The following FEZ1 variants were observed in gnomAD, a reference collection of about 807,000 sequenced individuals.
FEZ1 encodes fasciculation and elongation protein zeta 1, also known as fasciculation and elongation protein zeta-1.
FEZ1 carries 20 observed loss-of-function variants against 49.3 expected under a neutral mutation model. That is an observed-to-expected ratio of 0.41 (90% CI 0.29 to 0.59). FEZ1 has a LOEUF of 0.59. FEZ1 is among the 20% of genes least tolerant of loss of function. The pLI, the probability that FEZ1 is intolerant of heterozygous loss-of-function variation, is 0.36. For missense variants in FEZ1, 413 were observed against 476.0 expected, an observed-to-expected ratio of 0.87 and a Z score of 1.23; for synonymous variants, 170 against 180.9, an observed-to-expected ratio of 0.94 and a Z score of 0.48.
At chr11:125,484,259 A>G (rs1056414953) in intron 2 of FEZ1, among the ~76,000 whole-genome samples, 6 of 152,218 alleles carry the variant, frequency 3.9e-5, no homozygotes, top group African/African-American at 1.4e-4. Flanking sequence ...CTTCACAACA[A>G]TTATACAAGG....
intron 6 of FEZ1, 180 bp downstream of exon 6, chr11:125,455,655 G>T (rs534233949): frequency 2.0e-5 from 14 of 694,800 alleles, no homozygotes; most frequent in Admixed American, 1.9e-4. Context: ...TGAGCCCTTT[G>T]GGGGAGTGGA....
rs796507357 is a variant in FEZ1 at position 125,449,441 on chromosome 11, A to AAAAAAAAAAAAAAAAAAAAAAAAAAG, written c.1097-875_1097-874insCTTTTTTTTTTTTTTTTTTTTTTTTT. On this transcript the variant is annotated intron_variant, in intron 8 of 9. Transcript: ENST00000278919. ...ATAAAAAAAAAAAAAAAAAAAAAAA[A>AAAAAAAAAAAAAAAAAAAAAAAAAAG]AAGAAGAAGAGGAAGAAAAGAAAAA... Among the ~76,000 whole-genome samples the AAAAAAAAAAAAAAAAAAAAAAAAAAG allele has an allele frequency of 2.7e-4, 35 of 128,262 alleles. 3 individuals are homozygous for AAAAAAAAAAAAAAAAAAAAAAAAAAG. Among genetic ancestry groups the AAAAAAAAAAAAAAAAAAAAAAAAAAG allele is most frequent in the Non-Finnish European group, 3.4e-4 (20 of 59,462 alleles). The allele number at this position is 128,262 out of a possible 152,430, so 84.1% of individuals were successfully genotyped here. A position where few individuals can be genotyped will look rare whatever the true frequency, so the allele number is the denominator to read the frequency against.
At position 125,465,758 on chromosome 11, in the gene FEZ1, G is replaced by A. The variant is rs534164648; in HGVS notation, c.412-2188C>T. Among the ~76,000 whole-genome samples the A allele has an allele frequency of 2.4e-3, 367 of 152,258 alleles. 1 individual carries two copies. Among genetic ancestry groups the A allele is most frequent in the Middle Eastern group, 0.024 (7 of 294 alleles). The stretch of plus-strand genomic sequence containing the variant: ...GCTTCCCCACCTCCATCGTGCCCCA[G>A]CCTCTTCACCTCCCTCTCCAGCGTT... On this transcript the variant is annotated intron_variant, in intron 3 of 9. Coordinates refer to ENST00000278919, the MANE Select transcript of FEZ1 (RefSeq NM_005103.5).
intron 2 of FEZ1, among the ~76,000 whole-genome samples, chr11:125,486,335 C>CAATTT (rs1957326585): frequency 3.9e-5 from 6 of 152,096 alleles, no homozygotes; most frequent in African/African-American, 1.4e-4. Flanking sequence ...TTGTAGTGAC[C>CAATTT]CCTAAGAGGC....
chr11:125,474,580 T>G (rs1254760152), intron 3 of FEZ1, among the ~76,000 whole-genome samples: 1 of 152,190 alleles, frequency 6.6e-6, no homozygotes, highest in Non-Finnish European at 1.5e-5. Flanking sequence ...CAAATAATTT[T>G]TATCTAGAAT....
intron 4 of FEZ1, among the ~76,000 whole-genome samples, chr11:125,462,807 TG>T (rs1211795919): frequency 2.0e-5 from 3 of 151,938 alleles, no homozygotes; most frequent in African/African-American, 7.3e-5. Context: ...GAGACCAGCC[TG>T]GGCAGCATGG....
intron 3 of FEZ1, among the ~76,000 whole-genome samples, chr11:125,469,494 A>C (rs1218632591): frequency 6.6e-6 from 1 of 152,188 alleles, no homozygotes; most frequent in African/African-American, 2.4e-5. Context: ...TCCTGAGCAC[A>C]AGCAATTCAC....
chr11:125,455,821 G>C lies in FEZ1; in HGVS notation c.939+14C>G. 6.2e-7 allele frequency: 1 copy of C among 1,613,760 alleles called. No individual in the cohort carries two copies. The highest frequency in any genetic ancestry group is 8.5e-7 in the Non-Finnish European group (1 of 1,179,834). On this transcript the variant is annotated intron_variant, in intron 6 of 9. Coordinates refer to ENST00000278919, the MANE Select transcript of FEZ1 (RefSeq NM_005103.5). ...GTTGGAGGCACCCAGTCTTCCACCTGGTTGTTCACCTACCTTGAGAGGCAT... is the reference window on the plus strand; with the variant it reads ...GTTGGAGGCACCCAGTCTTCCACCTCGTTGTTCACCTACCTTGAGAGGCAT...
Position 125,446,093 on chromosome 11 carries a change from G to C in FEZ1, c.*2C>G, listed in dbSNP as rs1956895840. The C allele has an allele frequency of 1.2e-6, 2 of 1,614,012 alleles. No homozygotes were observed. The highest frequency in any genetic ancestry group is 1.3e-5 in the African/African-American group (1 of 75,076). ...GCAGCGAGGCTGCTCCAAAGGGCAA[G>C]GTTAGGTAGGGCAGAGCACTGCAAC... On this transcript the variant is annotated 3_prime_UTR_variant, in exon 10 of 10. Coordinates refer to ENST00000278919, the MANE Select transcript of FEZ1 (RefSeq NM_005103.5).
chr11:125,451,691 A>C (rs955320931), intron 8 of FEZ1, among the ~76,000 whole-genome samples: 3 of 152,224 alleles, frequency 2.0e-5, no homozygotes, highest in Admixed American at 2.0e-4. Flanking sequence ...TGTGCCCCCC[A>C]GCCCTTTGGG....
At chr11:125,471,132 G>A (rs924865610) in intron 3 of FEZ1, among the ~76,000 whole-genome samples, 1 of 152,042 alleles carries the variant, frequency 6.6e-6, no homozygotes, top group Non-Finnish European at 1.5e-5. Flanking sequence ...AAGATGCAAA[G>A]CCAAAGAATA....
chr11:125,486,326 T>C (rs1034602294), intron 2 of FEZ1, among the ~76,000 whole-genome samples: 1 of 152,222 alleles, frequency 6.6e-6, no homozygotes, highest in African/African-American at 2.4e-5. Context: ...ATTTCCATTT[T>C]GTAGTGACCC....
intron 5 of FEZ1, among the ~76,000 whole-genome samples, chr11:125,459,977 T>A (rs991998719): frequency 6.6e-6 from 1 of 152,068 alleles, no homozygotes; most frequent in Non-Finnish European, 1.5e-5. Flanking sequence ...GTGCCTGTAG[T>A]CCCAACTACT....
At chr11:125,457,208 ATAAAT>A (rs1157761717) in intron 5 of FEZ1, among the ~76,000 whole-genome samples, 1 of 150,118 alleles carries the variant, frequency 6.7e-6, no homozygotes, top group East Asian at 2.0e-4. Flanking sequence ...AAATAAATAA[ATAAAT>A]AAATAAAAAC....
At chr11:125,456,141 C>T (rs774995787) in intron 5 of FEZ1, 35 bp from the exon 6 acceptor site, 4 of 1,537,168 alleles carry the variant, frequency 2.6e-6, no homozygotes, top group Non-Finnish European at 2.6e-6. Context: ...ATAACACCTG[C>T]ATCCACACCA....
At position 125,446,642 on chromosome 11, in the gene FEZ1, TTTGTTGTTG is replaced by T. The variant is rs149136142; in HGVS notation, c.1163-540_1163-532del. On this transcript the variant is annotated intron_variant, in intron 9 of 9. Transcript: ENST00000278919. ...AAACCCTTTCTGTGGTTTTTTGTGT[TTTGTTGTTG>T]TTGTTGTTGTTGTTTTGTTTTGTGG... is the stretch of plus-strand genomic sequence containing the variant. 1.4e-4 allele frequency among the ~76,000 whole-genome samples: 21 copies of T among 151,316 alleles called. No homozygotes were observed. In the South Asian group the frequency reaches 1.9e-3, roughly 14 times the overall value.
At chr11:125,483,377 T>C (rs1397810535) in intron 2 of FEZ1, among the ~76,000 whole-genome samples, 1 of 152,200 alleles carries the variant, frequency 6.6e-6, no homozygotes, top group Non-Finnish European at 1.5e-5. Flanking sequence ...ATTATTTTCC[T>C]ACCATTACAA....
rs1468930432 is a variant in FEZ1 at position 125,448,581 on chromosome 11, C to T, written c.1097-14G>A. ...TGGCAAAGAGAACTAGGAAAGGAGA[C>T]AGAGAGAGGAACTAAGATACCATCT... On this transcript the variant is annotated splice_polypyrimidine_tract_variant and intron_variant, in intron 8 of 9. Coordinates refer to ENST00000278919, the MANE Select transcript of FEZ1 (RefSeq NM_005103.5). 10 of 1,582,532 alleles carry T rather than the reference C, an allele frequency of 6.3e-6. No individual in the cohort carries two copies. Among genetic ancestry groups the T allele is most frequent in the Non-Finnish European group, 8.7e-6 (10 of 1,151,624 alleles).
At chr11:125,453,835 C>G (rs1956980409) in intron 7 of FEZ1, 1 of 236,338 alleles carries the variant, frequency 4.2e-6, no homozygotes, top group Non-Finnish European at 8.0e-6. Context: ...TGGACTCCCT[C>G]TTAATGCATT....
Sources: gnomAD v4.1 joint callset for allele counts (sites outside exome capture counted in the v4.1 genomes callset) on GRCh38, gnomAD v4.1.1 for gene constraint, MANE v1.5 for transcripts, NCBI Gene and HGNC (gene_info 2026-07-23, HGNC 2026-07-21) for gene names.